Variants in AAGAB observed in about 807,000 individuals in gnomAD.
The protein encoded by AAGAB is alpha and gamma adaptin binding protein.
AAGAB carries 38 observed loss-of-function variants against 44.1 expected under a neutral mutation model. The ratio of observed to expected loss-of-function variants is 0.86; its 90% CI spans 0.67 to 1.13. The LOEUF is 1.13. Ranked by LOEUF, AAGAB falls within the 50% of genes most tolerant of loss-of-function variation. The pLI, the probability that AAGAB is intolerant of heterozygous loss-of-function variation, is 0.00. For synonymous variants in AAGAB, 131 were observed against 131.8 expected (o/e 0.99, Z 0.04); for missense variants, 450 against 373.8 (o/e 1.20, Z -1.68).
At chr15:67,254,664 C>T (rs775665288), upstream of AAGAB, 53 of 1,589,082 alleles carry the variant, frequency 3.3e-5, no homozygotes, top group Middle Eastern at 2.1e-4. Flanking sequence ...CGTCAGGCAG[C>T]CGCTTCCGCC....
In AAGAB at chr15:67,241,047, A is replaced by ACACACG. The variant is rs770525168; in HGVS notation, c.74-4228_74-4227insCGTGTG. Reference sequence around the variant, plus strand: ...CACAAATATCTGTTCTCCTACACACACACACACACACACACACACACACAT... The same window carrying ACACACG: ...CACAAATATCTGTTCTCCTACACACACACACGCACACACACACACACACACACACAT... On this transcript the variant is annotated intron_variant, in intron 1 of 9. Coordinates refer to ENST00000261880, the MANE Select transcript of AAGAB (RefSeq NM_024666.5). 8.9e-3 allele frequency among the ~76,000 whole-genome samples: 1,344 copies of ACACACG among 150,900 alleles called. 8 individuals carry two copies. The highest frequency in any genetic ancestry group is 0.013 in the Non-Finnish European group (845 of 67,552).
intron 1 of AAGAB, among the ~76,000 whole-genome samples, chr15:67,245,661 C>T (rs1035982371): frequency 6.6e-6 from 1 of 152,206 alleles, no homozygotes; most frequent in African/African-American, 2.4e-5. Context: ...CTGGGAGATA[C>T]TGACCCCATT....
rs768894480 is a variant in AAGAB at position 67,201,177 on chromosome 15, CT to C, written c.*1643del. ...ATCTTTTAAGGAAAACATGTTCCAC[CT>C]TTTTTTTTTTTTTGCAATCCCAGAG... On this transcript the variant is annotated 3_prime_UTR_variant, in exon 10 of 10. Transcript: ENST00000261880. 2.8e-3 allele frequency: 392 copies of C among 139,370 alleles called. No homozygotes were observed. Among genetic ancestry groups the C allele is most frequent in the East Asian group, 5.4e-3 (27 of 4,988 alleles). 8.6% of individuals were successfully genotyped at this position (139,370 alleles called of 1,614,324 possible).
chr15:67,202,991 C>T (rs1167034483), intron 9 of AAGAB, 93 bp from the exon 10 acceptor site: 1 of 1,196,782 alleles, frequency 8.4e-7, no homozygotes, highest in African/African-American at 1.5e-5. Flanking sequence ...ACCTAAAATT[C>T]TGCACTTTGC....
chr15:67,254,894 G>A, upstream of AAGAB: 1 of 1,613,650 alleles, frequency 6.2e-7, no homozygotes, highest in Non-Finnish European at 8.5e-7. Context: ...CCCTGACCTA[G>A]CCATGGCACA....
intron 5 of AAGAB, among the ~76,000 whole-genome samples, chr15:67,215,667 C>T (rs1963927650): frequency 1.3e-5 from 2 of 152,102 alleles, no homozygotes; most frequent in South Asian, 4.1e-4. Context: ...AGAAGTTGTA[C>T]CTATTTTTGA....
At chr15:67,246,824 T>G (rs540409386) in intron 1 of AAGAB, among the ~76,000 whole-genome samples, 1 of 151,936 alleles carries the variant, frequency 6.6e-6, no homozygotes, top group Non-Finnish European at 1.5e-5. Flanking sequence ...GGATTGTAAA[T>G]GCACCAATCA....
chr15:67,227,948 G>GA (rs532358939), intron 5 of AAGAB, among the ~76,000 whole-genome samples: 3 of 150,224 alleles, frequency 2.0e-5, no homozygotes, highest in Admixed American at 1.3e-4. Context: ...GTACTGTCAA[G>GA]AAAAAAAAAG....
At chr15:67,213,337 G>A (rs1172079535) in intron 5 of AAGAB, among the ~76,000 whole-genome samples, 1 of 152,094 alleles carries the variant, frequency 6.6e-6, no homozygotes, top group Non-Finnish European at 1.5e-5. Flanking sequence ...AAATTCTTAA[G>A]CCTTGGGATG....
intron 7 of AAGAB, among the ~76,000 whole-genome samples, chr15:67,205,310 G>A (rs761215995): frequency 2.0e-5 from 3 of 152,156 alleles, no homozygotes; most frequent in Non-Finnish European, 4.4e-5. Context: ...TGTTAAAAAC[G>A]CATCTTGGTT....
rs78110713 is a variant in AAGAB at position 67,217,123 on chromosome 15, C to T, written c.536-7579G>A. 4.8e-3 allele frequency among the ~76,000 whole-genome samples: 729 copies of T among 152,302 alleles called. 4 individuals carry two copies. The highest frequency in any genetic ancestry group is 0.017 in the African/African-American group (705 of 41,560). On this transcript the variant is annotated intron_variant, in intron 5 of 9. Coordinates refer to ENST00000261880, the MANE Select transcript of AAGAB (RefSeq NM_024666.5). ...ATTTAATTTTTGACCACAACATTCA[C>T]ATTTAGACAACTGTCAGAGTATCCA...
chr15:67,212,419 A>G (rs1963846244), intron 5 of AAGAB, among the ~76,000 whole-genome samples: 1 of 152,242 alleles, frequency 6.6e-6, no homozygotes, highest in Admixed American at 6.5e-5. Context: ...ATTATGAAAA[A>G]GTCAAAATAG....
At chr15:67,214,106 C>A (rs1216649299) in intron 5 of AAGAB, among the ~76,000 whole-genome samples, 1 of 152,148 alleles carries the variant, frequency 6.6e-6, no homozygotes, top group Non-Finnish European at 1.5e-5. Context: ...GAGACATGGA[C>A]AATGTTTTGA....
At chr15:67,223,157 G>A (rs72745408) in intron 5 of AAGAB, among the ~76,000 whole-genome samples, 5,544 of 152,156 alleles carry the variant, frequency 0.036, 128 homozygotes, top group Non-Finnish European at 0.055. Flanking sequence ...AATGTCCCTG[G>A]GCTGAGTCCT....
At chr15:67,254,923 C>G, upstream of AAGAB, 5 of 1,613,874 alleles carry the variant, frequency 3.1e-6, no homozygotes, top group Non-Finnish European at 3.4e-6. Flanking sequence ...AAAACCACGA[C>G]CCTGTCGGAT....
Position 67,232,022 on chromosome 15 carries a change from G to A in AAGAB, c.452-125C>T, listed in dbSNP as rs1048526403. 10 of 680,320 alleles carry A rather than the reference G, an allele frequency of 1.5e-5. No individual in the cohort carries two copies. The African/African-American group carries it at 1.6e-4, about 11-fold the overall frequency. 42.1% of individuals were successfully genotyped at this position (680,320 alleles called of 1,614,324 possible). On this transcript the variant is annotated intron_variant, in intron 4 of 9. Transcript: ENST00000261880. ...TAATCCCAGCACTTTGGGAGGCCAA[G>A]GAGGGCAGATTACCTGAGGTCGGGA...
At chr15:67,254,893 A>T, upstream of AAGAB, 1 of 1,613,492 alleles carries the variant, frequency 6.2e-7, no homozygotes. Context: ...TCCCTGACCT[A>T]GCCATGGCAC....
Position 67,236,696 on chromosome 15 carries a change from T to C in AAGAB, c.198A>G (p.Lys66=), listed in dbSNP as rs747735433. The C allele has an allele frequency of 5.6e-6, 9 of 1,613,966 alleles. No homozygotes were observed. In the East Asian group the frequency reaches 1.8e-4, roughly 32 times the overall value. The change falls in exon 2 of 10, where the codon AAA becomes AAG. Residue 66 remains lysine, a synonymous_variant. Transcript: ENST00000261880. The stretch of plus-strand genomic sequence containing the variant: ...CTGCAATCTCTGCAGTAACAAGAAA[T>C]TTGTTTGGCACCACACATAGATTGA... ...ADINLCVVPN[K]FLVTAEIAES...
chr15:67,208,607 C>G lies in AAGAB; in HGVS notation c.670G>C (p.Gly224Arg). ...GCATCTGTTGTGTTAGATGCACCACCCCGATGATCAGAGAGGGATTCAGTA... is the reference window on the plus strand; with the variant it reads ...GCATCTGTTGTGTTAGATGCACCACGCCGATGATCAGAGAGGGATTCAGTA... ...DSTESLSDHRGGASNTTDAQV... is the reference protein window; with the variant it reads ...DSTESLSDHRRGASNTTDAQV... The change falls in exon 7 of 10, where the codon GGT becomes CGT. Residue 224 changes from glycine to arginine, a missense_variant. By Grantham distance (125) the Gly-to-Arg change is moderately radical. Coordinates refer to ENST00000261880, the MANE Select transcript of AAGAB (RefSeq NM_024666.5). 6.2e-7 allele frequency: 1 copy of G among 1,614,168 alleles called. No homozygotes were observed.
Sources: allele counts gnomAD v4.1 joint callset (sites outside exome capture counted in the v4.1 genomes callset), GRCh38; gene constraint gnomAD v4.1.1; transcripts MANE v1.5; gene names NCBI Gene and HGNC (gene_info 2026-07-23, HGNC 2026-07-21).